LRRTM4: variants seen among roughly 807,000 people sequenced by gnomAD.
The protein encoded by LRRTM4 is leucine rich repeat transmembrane neuronal 4.
Under a neutral mutation model 47.6 loss-of-function variants are expected in LRRTM4, and 25 were observed. That is an observed-to-expected ratio of 0.53 (90% CI 0.38 to 0.73). The LOEUF is 0.73. LRRTM4 is among the 30% of genes least tolerant of loss of function. The pLI is 0.00. For missense variants in LRRTM4, 638 were observed against 713.4 expected (o/e 0.89, Z 1.20); for synonymous variants, 311 against 269.5 (o/e 1.15, Z -1.51).
Position 76,799,580 on chromosome 2 carries a change from T to C in LRRTM4, c.1552-50664A>G, listed in dbSNP as rs1222664824. Among the ~76,000 whole-genome samples, 3 of 141,522 alleles carry C rather than the reference T, an allele frequency of 2.1e-5. 1 individual carries two copies. Among genetic ancestry groups the C allele is most frequent in the Admixed American group, 7.0e-5 (1 of 14,200 alleles). The allele number at this position is 141,522 out of a possible 152,430, so 92.8% of individuals were successfully genotyped here. Reference sequence around the variant, plus strand: ...CCTCTCTCACCACTCCTATTCAACATAGTGTTGGAAGTTCTGGCCAGGGTA... The same window carrying C: ...CCTCTCTCACCACTCCTATTCAACACAGTGTTGGAAGTTCTGGCCAGGGTA... On this transcript the variant is annotated intron_variant, in intron 3 of 3. Coordinates refer to ENST00000409884, the MANE Select transcript of LRRTM4 (RefSeq NM_001134745.3).
chr2:77,403,881 T>C (rs1199973899), intron 3 of LRRTM4, among the ~76,000 whole-genome samples: 1 of 150,890 alleles, frequency 6.6e-6, no homozygotes, highest in South Asian at 2.1e-4. Flanking sequence ...TATATATATA[T>C]ATATTTTAGG....
chr2:77,191,229 A>T (rs917113508), intron 3 of LRRTM4, among the ~76,000 whole-genome samples: 1 of 152,144 alleles, frequency 6.6e-6, no homozygotes, highest in Non-Finnish European at 1.5e-5. Flanking sequence ...CATGATTAAA[A>T]AAACACCCGA....
At chr2:77,259,060 T>G (rs535758561) in intron 3 of LRRTM4, among the ~76,000 whole-genome samples, 1 of 152,048 alleles carries the variant, frequency 6.6e-6, no homozygotes, top group South Asian at 2.1e-4. Flanking sequence ...TGACCAGAAA[T>G]CAGTGTGGAG....
At position 76,783,157 on chromosome 2, in the gene LRRTM4, T is replaced by G. The variant is rs143375073; in HGVS notation, c.1552-34241A>C. The stretch of plus-strand genomic sequence containing the variant: ...GGGAAGAATTCATATTCCACCAACA[T>G]TGAATGAATAAATATATCACATTAT... On this transcript the variant is annotated intron_variant, in intron 3 of 3. Coordinates refer to ENST00000409884, the MANE Select transcript of LRRTM4 (RefSeq NM_001134745.3). 1.8e-3 allele frequency among the ~76,000 whole-genome samples: 271 copies of G among 152,222 alleles called. 1 individual carries two copies. The highest frequency in any genetic ancestry group is 6.0e-3 in the African/African-American group (248 of 41,540).
intron 3 of LRRTM4, among the ~76,000 whole-genome samples, chr2:77,036,772 T>A (rs1045509484): frequency 6.6e-6 from 1 of 151,718 alleles, no homozygotes; most frequent in African/African-American, 2.4e-5. Context: ...GAAGAGTCTT[T>A]TCCAGTTTAC....
intron 3 of LRRTM4, among the ~76,000 whole-genome samples, chr2:77,069,035 C>T (rs1680059194): frequency 6.6e-6 from 1 of 152,170 alleles, no homozygotes; most frequent in Non-Finnish European, 1.5e-5. Flanking sequence ...ATAAGGTATA[C>T]TTTTAGTTAG....
chr2:76,763,667 G>A (rs1252094850), intron 3 of LRRTM4, among the ~76,000 whole-genome samples: 3 of 152,180 alleles, frequency 2.0e-5, no homozygotes, highest in Non-Finnish European at 2.9e-5. Context: ...AGCTAAAAAT[G>A]TAGGCATGGT....
At chr2:77,453,015 T>C (rs1426540901) in intron 3 of LRRTM4, among the ~76,000 whole-genome samples, 4 of 151,874 alleles carry the variant, frequency 2.6e-5, no homozygotes, top group Non-Finnish European at 5.9e-5. Flanking sequence ...TTGAAATTAA[T>C]TTTTTGATAA....
chr2:77,436,307 AGCAAT>A (rs1675597983), intron 3 of LRRTM4, among the ~76,000 whole-genome samples: 1 of 152,166 alleles, frequency 6.6e-6, no homozygotes, highest in African/African-American at 2.4e-5. Context: ...TTGAACGTCT[AGCAAT>A]GCTAAGCTAA....
intron 3 of LRRTM4, among the ~76,000 whole-genome samples, chr2:77,022,328 G>A (rs1558803090): frequency 6.6e-6 from 1 of 152,102 alleles, no homozygotes; most frequent in African/African-American, 2.4e-5. Flanking sequence ...AATGAGATTT[G>A]GATGGGGACA....
chr2:77,319,656 G>A (rs149131120), intron 3 of LRRTM4, among the ~76,000 whole-genome samples: 108 of 152,256 alleles, frequency 7.1e-4, no homozygotes, highest in African/African-American at 2.5e-3. Context: ...ATTTTCTGGC[G>A]TACAGGCTTA....
chr2:76,998,620 A>G (rs1380118256), intron 3 of LRRTM4, among the ~76,000 whole-genome samples: 1 of 152,088 alleles, frequency 6.6e-6, no homozygotes, highest in Non-Finnish European at 1.5e-5. Context: ...TTTTGTACAC[A>G]TTGAAGTCTG....
chr2:76,763,663 A>G (rs868176748), intron 3 of LRRTM4, among the ~76,000 whole-genome samples: 25 of 152,346 alleles, frequency 1.6e-4, no homozygotes, highest in African/African-American at 5.5e-4. Flanking sequence ...AAATAGCTAA[A>G]AATGTAGGCA....
At chr2:77,051,662 T>G (rs575704884) in intron 3 of LRRTM4, among the ~76,000 whole-genome samples, 1 of 152,200 alleles carries the variant, frequency 6.6e-6, no homozygotes, top group Non-Finnish European at 1.5e-5. Context: ...GGATAGATAG[T>G]ACAGCAAACT....
chr2:77,148,309 G>T (rs1056396846), intron 3 of LRRTM4, among the ~76,000 whole-genome samples: 6 of 152,160 alleles, frequency 3.9e-5, no homozygotes, highest in African/African-American at 1.4e-4. Flanking sequence ...AAATGCTTAA[G>T]GGAAATGAAT....
Position 77,240,971 on chromosome 2 carries a change from C to T in LRRTM4, c.1551+277347G>A, listed in dbSNP as rs1573125812. ...AGAAAGACTAAGTATTGTTAAAATG[C>T]TGATTTTCCCCAAATTGACCTACAG... On this transcript the variant is annotated intron_variant, in intron 3 of 3. Coordinates refer to ENST00000409884, the MANE Select transcript of LRRTM4 (RefSeq NM_001134745.3). 3.9e-5 allele frequency among the ~76,000 whole-genome samples: 6 copies of T among 151,998 alleles called. No homozygotes were observed. The South Asian group carries it at 1.2e-3, about 31-fold the overall frequency.
intron 3 of LRRTM4, among the ~76,000 whole-genome samples, chr2:77,032,527 A>G (rs887244941): frequency 2.6e-5 from 4 of 152,260 alleles, no homozygotes; most frequent in Middle Eastern, 3.4e-3. Flanking sequence ...TAGAAGTTCA[A>G]TATATTTTTT....
At chr2:77,369,847 C>A (rs1672597969) in intron 3 of LRRTM4, among the ~76,000 whole-genome samples, 1 of 151,510 alleles carries the variant, frequency 6.6e-6, no homozygotes. Flanking sequence ...AATTGTAACA[C>A]AATGGAAAGT....
At chr2:77,375,671 TAA>T (rs1253407406) in intron 3 of LRRTM4, among the ~76,000 whole-genome samples, 1 of 151,778 alleles carries the variant, frequency 6.6e-6, no homozygotes, top group Non-Finnish European at 1.5e-5. Context: ...AAAACTCATA[TAA>T]GTGGAATCAC....
Sources: allele counts gnomAD v4.1 joint callset (sites outside exome capture counted in the v4.1 genomes callset), GRCh38; gene constraint gnomAD v4.1.1; transcripts MANE v1.5; gene names NCBI Gene and HGNC (gene_info 2026-07-23, HGNC 2026-07-21).